SBDS: variants seen among roughly 807,000 people sequenced by gnomAD.
SBDS encodes the protein ribosome maturation protein SBDS.
A neutral mutation model predicts 26.4 loss-of-function variants in SBDS; 20 were observed. The ratio of observed to expected loss-of-function variants is 0.76; its 90% CI spans 0.53 to 1.10. The LOEUF (loss-of-function observed/expected upper bound fraction) is 1.10. SBDS is among the 50% of genes least tolerant of loss of function. The pLI is 0.00. For synonymous variants in SBDS, 95 were observed against 105.1 expected (o/e 0.90, Z 0.59); for missense variants, 241 against 302.0 (o/e 0.80, Z 1.50).
intron 3 of SBDS, 85 bp downstream of exon 3, chr7:66,993,132 T>C: frequency 1.6e-6 from 2 of 1,254,352 alleles, no homozygotes; most frequent in East Asian, 2.3e-5. Flanking sequence ...CCATTGTGCC[T>C]GGCCCCAGAC....
intron 4 of SBDS, among the ~76,000 whole-genome samples, chr7:66,990,338 T>C (rs1163013455): frequency 2.6e-5 from 4 of 152,182 alleles, no homozygotes; most frequent in Non-Finnish European, 5.9e-5. Context: ...CTTTTGGAAC[T>C]GTGATTTTCA....
At position 66,988,500 on chromosome 7, in the gene SBDS, C is replaced by T. The variant is rs1210284206; in HGVS notation, c.625-1G>A. The T allele has an allele frequency of 6.2e-7, 1 of 1,613,396 alleles. No individual in the cohort carries two copies. Among genetic ancestry groups the T allele is most frequent in the Non-Finnish European group, 8.5e-7 (1 of 1,179,968 alleles). ...AGCAGCCCGGGTCAATCAGACATAC[C>T]TGAAACATTTAACGTAGCAGATTAC... is the stretch of plus-strand genomic sequence containing the variant. On this transcript the variant is annotated splice_acceptor_variant, in intron 4 of 4. Coordinates refer to ENST00000246868, the MANE Select transcript of SBDS (RefSeq NM_016038.4). LOFTEE classifies it high-confidence loss of function.
intron 3 of SBDS, 109 bp downstream of exon 3, chr7:66,993,108 A>G: frequency 2.0e-6 from 2 of 1,025,622 alleles, no homozygotes; most frequent in Non-Finnish European, 3.1e-6. Flanking sequence ...AAGTGCTAGG[A>G]TTACAGGCAT....
At position 66,993,218 on chromosome 7, in the gene SBDS, T is replaced by C. The variant is rs1472799380; in HGVS notation, c.458A>G (p.Gln153Arg). 1.2e-6 allele frequency: 2 copies of C among 1,613,172 alleles called. No individual in the cohort carries two copies. The highest frequency in any genetic ancestry group is 1.7e-6 in the Non-Finnish European group (2 of 1,179,300). The change falls in exon 3 of 5, where the codon CAG becomes CGG. Residue 153 changes from glutamine (Q) to arginine (R), a missense_variant and splice_region_variant. By Grantham distance (43) the Gln-to-Arg change is conservative. Transcript: ENST00000246868. ...SVKTNKSTKQ[Q>R]ALEVIKQLKE... ...TTGATGACATGAGAAACCACTCACC[T>C]GCTGTTTTGTACTCTTGTTGGTTTT...
chr7:66,990,560 A>C (rs568726934), intron 4 of SBDS, among the ~76,000 whole-genome samples: 1 of 152,342 alleles, frequency 6.6e-6, no homozygotes, highest in African/African-American at 2.4e-5. Flanking sequence ...GGAATTATCA[A>C]TCTTCCACTA....
chr7:66,989,958 C>A (rs1224527130), intron 4 of SBDS, among the ~76,000 whole-genome samples: 1 of 152,012 alleles, frequency 6.6e-6, no homozygotes, highest in Admixed American at 6.6e-5. Flanking sequence ...GCATACAACT[C>A]AAAGAGTGCT....
At chr7:66,993,607 C>T (rs1049590888) in intron 2 of SBDS, among the ~76,000 whole-genome samples, 190 bp from the exon 3 acceptor site, 3 of 152,128 alleles carry the variant, frequency 2.0e-5, no homozygotes, top group Non-Finnish European at 4.4e-5. Flanking sequence ...GGCTCAGTGG[C>T]TCACATCTGT....
chr7:66,992,732 G>C (rs2129232094), intron 3 of SBDS, among the ~76,000 whole-genome samples: 1 of 152,010 alleles, frequency 6.6e-6, no homozygotes, highest in Admixed American at 6.6e-5. Context: ...TAGAGGTAGG[G>C]TACGGTAGCT....
Position 66,988,446 on chromosome 7 carries a change from C to T in SBDS, c.678G>A (p.Lys226=). Residue 226 remains lysine, a synonymous_variant, in exon 5 of 5, where the codon AAG becomes AAA. Transcript: ENST00000246868. Reference sequence around the variant, plus strand: ...CCAAAGAACCTTTGCCTTTAGTTTCCTTTTTTATTAGCTCATCAATTTCTC... The same window carrying T: ...CCAAAGAACCTTTGCCTTTAGTTTCTTTTTTTATTAGCTCATCAATTTCTC... The part of the protein sequence containing the change: ...CFREIDELIK[K]ETKGKGSLEV... 6.2e-7 allele frequency: 1 copy of T among 1,613,730 alleles called. No homozygotes were observed. Among genetic ancestry groups the T allele is most frequent in the South Asian group, 1.1e-5 (1 of 91,080 alleles).
chr7:66,994,486 T>TCCCCC (rs1793049211), intron 1 of SBDS, 145 bp from the exon 2 acceptor site: 1 of 775,168 alleles, frequency 1.3e-6, no homozygotes, highest in Non-Finnish European at 2.2e-6. Context: ...GCAGTTTTCT[T>TCCCCC]TTTCTTACCC....
At chr7:66,992,708 T>G (rs550071452) in intron 3 of SBDS, among the ~76,000 whole-genome samples, 5 of 152,176 alleles carry the variant, frequency 3.3e-5, no homozygotes, top group African/African-American at 1.2e-4. Context: ...TTTAATTTTT[T>G]ATATTAAAAA....
chr7:66,988,308 T>C lies in SBDS; in HGVS notation c.*63A>G. Reference sequence around the variant, plus strand: ...GCAAGTATTTGGCAGACCACAGACATGAAACAGTGCCGTCGGAAACGGAAA... The same window carrying C: ...GCAAGTATTTGGCAGACCACAGACACGAAACAGTGCCGTCGGAAACGGAAA... On this transcript the variant is annotated 3_prime_UTR_variant, in exon 5 of 5. Coordinates refer to ENST00000246868, the MANE Select transcript of SBDS (RefSeq NM_016038.4). 6.3e-7 allele frequency: 1 copy of C among 1,581,002 alleles called. No homozygotes were observed. The highest frequency in any genetic ancestry group is 8.6e-7 in the Non-Finnish European group (1 of 1,157,252).
At chr7:66,990,960 T>A in intron 4 of SBDS, 177 bp downstream of exon 4, 1 of 538,410 alleles carries the variant, frequency 1.9e-6, no homozygotes, top group Non-Finnish European at 3.2e-6. Flanking sequence ...GAGCTTGCAG[T>A]GAGCTGAGAT....
chr7:66,989,728 T>C (rs1326011013), intron 4 of SBDS, among the ~76,000 whole-genome samples: 7 of 152,272 alleles, frequency 4.6e-5, no homozygotes, highest in African/African-American at 1.7e-4. Flanking sequence ...TAATATCCTC[T>C]GGAAACACCC....
At chr7:66,992,175 T>C (rs1792989272) in intron 3 of SBDS, among the ~76,000 whole-genome samples, 1 of 152,124 alleles carries the variant, frequency 6.6e-6, no homozygotes, top group Non-Finnish European at 1.5e-5. Flanking sequence ...TATTCCGGCA[T>C]AAAAAAGAAA....
In SBDS at chr7:66,995,455, G is replaced by A. The variant is rs1361719617; in HGVS notation, c.-38C>T. 6.8e-6 allele frequency: 11 copies of A among 1,612,372 alleles called. No homozygotes were observed. The highest frequency in any genetic ancestry group is 2.2e-5 in the East Asian group (1 of 44,872). On this transcript the variant is annotated 5_prime_UTR_variant, in exon 1 of 5. Coordinates refer to ENST00000246868, the MANE Select transcript of SBDS (RefSeq NM_016038.4). ...AAGACCCAGAAGCCGGCGAACCAGGGCTGACCCGCGCCGTCCAGCCTGAAG... is the reference window on the plus strand; with the variant it reads ...AAGACCCAGAAGCCGGCGAACCAGGACTGACCCGCGCCGTCCAGCCTGAAG...
At chr7:66,995,120 C>T (rs1179194550) in intron 1 of SBDS, 170 bp downstream of exon 1, 1 of 907,792 alleles carries the variant, frequency 1.1e-6, no homozygotes, top group Non-Finnish European at 1.7e-6. Context: ...AAACCCTTGG[C>T]TTAGGCGCCA....
intron 3 of SBDS, among the ~76,000 whole-genome samples, chr7:66,992,282 T>A (rs1792990461): frequency 6.6e-6 from 1 of 151,866 alleles, no homozygotes; most frequent in Admixed American, 6.6e-5. Flanking sequence ...GAGAAGTCCA[T>A]AACGAGAGGA....
Position 66,988,397 on chromosome 7 carries a change from C to T in SBDS, c.727G>A (p.Glu243Lys), listed in dbSNP as rs1437461625. The T allele has an allele frequency of 1.2e-6, 2 of 1,613,746 alleles. No individual in the cohort carries two copies. Among genetic ancestry groups the T allele is most frequent in the Non-Finnish European group, 8.5e-7 (1 of 1,179,998 alleles). The change falls in exon 5 of 5, where the codon GAA (glutamate) becomes AAA (lysine). Residue 243 changes from glutamate (E) to lysine (K), a missense_variant. Glu to Lys is a moderately conservative substitution (Grantham distance 56). Transcript: ENST00000246868. ...SLEVLNLKDV[E>K]EGDEKFE ...CATTCAAATTTCTCATCTCCTTCTTCTACATCTTTCAGATTGAGTACTTCC... is the reference window on the plus strand; with the variant it reads ...CATTCAAATTTCTCATCTCCTTCTTTTACATCTTTCAGATTGAGTACTTCC...
Sources: allele counts gnomAD v4.1 joint callset (sites outside exome capture counted in the v4.1 genomes callset), GRCh38; gene constraint gnomAD v4.1.1; transcripts MANE v1.5; gene names NCBI Gene and HGNC (gene_info 2026-07-23, HGNC 2026-07-21).